The following GALNT13 variants were observed in gnomAD, a reference collection of about 807,000 sequenced individuals.
GALNT13 encodes UDP-GalNAc:polypeptide N-acetylgalactosaminyltransferase 13.
GALNT13 carries 28 observed loss-of-function variants against 64.2 expected under a neutral mutation model. That is an observed-to-expected ratio of 0.44 (90% CI 0.32 to 0.60). The LOEUF is 0.60. Ranked by LOEUF, GALNT13 falls within the 20% of genes least tolerant of loss-of-function variation. The pLI is 0.05. For synonymous variants in GALNT13, 214 were observed against 224.6 expected (o/e 0.95, Z 0.42); for missense variants, 577 against 669.8 (o/e 0.86, Z 1.53).
chr2:153,452,144 T>C, the GALNT13 span, among the ~76,000 whole-genome samples: 1 of 152,204 alleles, frequency 6.6e-6, no homozygotes, highest in African/African-American at 2.4e-5. Flanking sequence ...GATGCTCTTT[T>C]TGCCTGCTTA....
the GALNT13 span, among the ~76,000 whole-genome samples, chr2:153,803,288 C>T: frequency 0.037 from 5,582 of 152,188 alleles, 148 homozygotes; most frequent in East Asian, 0.13. Flanking sequence ...TATGTTGAAG[C>T]CCTAGCCCCC....
chr2:153,225,409 G>A, the GALNT13 span, among the ~76,000 whole-genome samples: 3 of 152,176 alleles, frequency 2.0e-5, no homozygotes, highest in Non-Finnish European at 2.9e-5. Flanking sequence ...AGACTGGTTA[G>A]TTAGCCTTAA....
At chr2:153,822,940 T>C in the GALNT13 span, among the ~76,000 whole-genome samples, 2 of 152,182 alleles carry the variant, frequency 1.3e-5, no homozygotes, top group South Asian at 2.1e-4. Flanking sequence ...TTACAAAATA[T>C]ATGTGAAAAA....
intron 3 of GALNT13, among the ~76,000 whole-genome samples, chr2:154,104,246 C>T (rs1418676103): frequency 6.6e-6 from 1 of 151,972 alleles, no homozygotes; most frequent in African/African-American, 2.4e-5. Flanking sequence ...ACCTATCTGG[C>T]AGCAGTAAAA....
At chr2:153,509,757 A>C in the GALNT13 span, among the ~76,000 whole-genome samples, 1 of 152,206 alleles carries the variant, frequency 6.6e-6, no homozygotes, top group Non-Finnish European at 1.5e-5. Context: ...TAGACCATGC[A>C]AAGCTTTGGC....
the GALNT13 span, among the ~76,000 whole-genome samples, chr2:153,409,230 C>G: frequency 6.7e-6 from 1 of 149,030 alleles, no homozygotes; most frequent in African/African-American, 2.5e-5. Flanking sequence ...TGGGACGTCA[C>G]CTTGTGATCA....
chr2:153,328,037 T>G, the GALNT13 span, among the ~76,000 whole-genome samples: 53 of 151,962 alleles, frequency 3.5e-4, no homozygotes, highest in Admixed American at 1.7e-3. Flanking sequence ...AGTTTTTTGG[T>G]TTTTTTTCTC....
At chr2:153,648,924 C>A in the GALNT13 span, among the ~76,000 whole-genome samples, 4 of 151,968 alleles carry the variant, frequency 2.6e-5, no homozygotes, top group South Asian at 2.1e-4. Context: ...GTCTAAAATT[C>A]TCTTTTTTGG....
the GALNT13 span, among the ~76,000 whole-genome samples, chr2:153,293,685 G>A: frequency 0.38 from 58,073 of 151,966 alleles, 11,584 homozygotes; most frequent in Middle Eastern, 0.5. Context: ...ATGGATATCC[G>A]TGTTGAAACA....
chr2:153,254,424 T>C, the GALNT13 span, among the ~76,000 whole-genome samples: 1 of 152,232 alleles, frequency 6.6e-6, no homozygotes, highest in East Asian at 1.9e-4. Flanking sequence ...AACCAGCTCC[T>C]GGATTCATTA....
chr2:154,160,245 T>G lies in GALNT13; in HGVS notation c.311+19740T>G, dbSNP rs567973491. 1.1e-4 allele frequency among the ~76,000 whole-genome samples: 16 copies of G among 152,308 alleles called. No homozygotes were observed. In the East Asian group the frequency reaches 1.7e-3, roughly 17 times the overall value. ...CATGCATTTATATTTTCATTTTTTG[T>G]GAGAAGCATTTTGGAGACTACTTTA... On this transcript the variant is annotated intron_variant, in intron 4 of 12. Coordinates refer to ENST00000392825, the MANE Select transcript of GALNT13 (RefSeq NM_052917.4).
At chr2:154,231,687 C>T (rs2105846929) in intron 4 of GALNT13, among the ~76,000 whole-genome samples, 1 of 150,908 alleles carries the variant, frequency 6.6e-6, no homozygotes, top group South Asian at 2.1e-4. Flanking sequence ...GATAAAATGT[C>T]TTTCCTCACC....
At chr2:153,577,232 T>A in the GALNT13 span, among the ~76,000 whole-genome samples, 1 of 152,176 alleles carries the variant, frequency 6.6e-6, no homozygotes, top group Non-Finnish European at 1.5e-5. Flanking sequence ...TTCTTATTGA[T>A]ATATAAACTT....
the GALNT13 span, among the ~76,000 whole-genome samples, chr2:153,851,103 T>C: frequency 2.6e-5 from 4 of 152,056 alleles, no homozygotes; most frequent in Non-Finnish European, 4.4e-5. Context: ...AAGAAAACTA[T>C]ACCATAACTT....
intron 4 of GALNT13, among the ~76,000 whole-genome samples, chr2:154,233,687 G>T (rs540079962): frequency 1.2e-4 from 19 of 152,268 alleles, no homozygotes; most frequent in African/African-American, 4.6e-4. Flanking sequence ...TGCCTCTTGT[G>T]TATGATGTTT....
chr2:153,531,488 C>T, the GALNT13 span, among the ~76,000 whole-genome samples: 4,903 of 152,246 alleles, frequency 0.032, 253 homozygotes, highest in African/African-American at 0.11. Flanking sequence ...ACCTCCAGCA[C>T]TGAGGATTAC....
the GALNT13 span, among the ~76,000 whole-genome samples, chr2:153,112,831 AT>A: frequency 6.6e-6 from 1 of 152,070 alleles, no homozygotes; most frequent in East Asian, 1.9e-4. Flanking sequence ...CTTCTTTGTT[AT>A]ATGTTTGTGA....
chr2:153,683,636 G>A, the GALNT13 span, among the ~76,000 whole-genome samples: 6 of 151,742 alleles, frequency 4.0e-5, no homozygotes, highest in South Asian at 6.2e-4. Flanking sequence ...TGAGATTAAC[G>A]TGAAGGCTAG....
At chr2:153,534,017 GCGTGAGCCACCGTGC>G in the GALNT13 span, among the ~76,000 whole-genome samples, 1 of 151,796 alleles carries the variant, frequency 6.6e-6, no homozygotes, top group African/African-American at 2.4e-5. Flanking sequence ...GGGATTACAG[GCGTGAGCCACCGTGC>G]CTGGCATAGA....
Sources: allele counts gnomAD v4.1 joint callset (sites outside exome capture counted in the v4.1 genomes callset), GRCh38; gene constraint gnomAD v4.1.1; transcripts MANE v1.5; gene names NCBI Gene and HGNC (gene_info 2026-07-23, HGNC 2026-07-21).